Variants in ANXA4 observed in about 807,000 individuals in gnomAD.
The protein encoded by ANXA4 is annexin A4.
ANXA4 carries 39 observed loss-of-function variants against 49.8 expected under a neutral mutation model. The observed-to-expected ratio is 0.78, with a 90% CI of 0.61 to 1.02. The LOEUF (loss-of-function observed/expected upper bound fraction) is 1.02, where lower values mean the gene tolerates loss of function less well. Ranked by LOEUF, ANXA4 falls within the 50% of genes least tolerant of loss-of-function variation. The pLI, the probability that ANXA4 is intolerant of heterozygous loss-of-function variation, is 0.00. For missense variants in ANXA4, 360 were observed against 410.1 expected (o/e 0.88, Z 1.05); for synonymous variants, 134 against 152.5 (o/e 0.88, Z 0.89).
intron 2 of ANXA4, among the ~76,000 whole-genome samples, chr2:69,714,358 C>T (rs1185680134): frequency 6.6e-6 from 1 of 152,134 alleles, no homozygotes; most frequent in Non-Finnish European, 1.5e-5. Context: ...CCAAATGCAT[C>T]CATGCAGGAT....
Position 69,700,471 on chromosome 2 carries a change from C to CG in ANXA4, n.767-20302dup, listed in dbSNP as rs1428839222. On this transcript the variant is annotated intron_variant and non_coding_transcript_variant, in intron 2 of 3. Coordinates refer to the ANXA4 transcript ENST00000418066. Reference sequence around the variant, plus strand: ...AAGTCTTACTATCACTGCCACCATCCGTACTCTTCTCACTATTAACAATGT... The same window carrying CG: ...AAGTCTTACTATCACTGCCACCATCCGGTACTCTTCTCACTATTAACAATGT... 5 of 152,252 alleles carry CG rather than the reference C, an allele frequency of 3.3e-5. No individual in the cohort carries two copies. In the East Asian group the frequency reaches 9.6e-4, roughly 29 times the overall value. 9.4% of individuals were successfully genotyped at this position (152,252 alleles called of 1,614,324 possible).
At chr2:69,681,743 C>T (rs1300345452) in intron 2 of ANXA4, among the ~76,000 whole-genome samples, 1 of 152,022 alleles carries the variant, frequency 6.6e-6, no homozygotes, top group African/African-American at 2.4e-5. Flanking sequence ...TTTCATTGAT[C>T]CTTTGTATTG....
At position 69,818,635 on chromosome 2, in the gene ANXA4, T is replaced by C. The variant is rs144905340; in HGVS notation, c.665T>C (p.Ile222Thr). 3 of 1,611,752 alleles carry C rather than the reference T, an allele frequency of 1.9e-6. No homozygotes were observed. The highest frequency in any genetic ancestry group is 2.7e-5 in the African/African-American group (2 of 74,982). The change falls in exon 10 of 13, where the codon ATT becomes ACT. Residue 222 changes from isoleucine to threonine, a missense_variant. Coordinates refer to ENST00000394295, the MANE Select transcript of ANXA4 (RefSeq NM_001153.5). ...DEYKRISQKD[I>T]EQSIKSETSG... ...TACAAAAGGATATCACAGAAGGATA[T>C]TGAACAGAGTATTAAATCTGAAACA...
intron 8 of ANXA4, among the ~76,000 whole-genome samples, chr2:69,814,342 CT>C (rs781253870): frequency 0.011 from 1,089 of 97,254 alleles, 10 homozygotes; most frequent in Middle Eastern, 0.026. Context: ...GTATTTTATT[CT>C]TTTTTTTTTT....
At chr2:69,799,740 T>C (rs1673107395) in intron 3 of ANXA4, among the ~76,000 whole-genome samples, 1 of 152,204 alleles carries the variant, frequency 6.6e-6, no homozygotes, top group Admixed American at 6.5e-5. Flanking sequence ...CAAGACCTTG[T>C]CTCAGTAGAC....
At chr2:69,683,273 C>T (rs1328546691) in intron 2 of ANXA4, among the ~76,000 whole-genome samples, 1 of 152,168 alleles carries the variant, frequency 6.6e-6, no homozygotes, top group Non-Finnish European at 1.5e-5. Flanking sequence ...TCTGCAGACC[C>T]TCCTACTGCA....
chr2:69,729,306 T>C (rs565029415), intron 3 of ANXA4, among the ~76,000 whole-genome samples: 1 of 152,370 alleles, frequency 6.6e-6, no homozygotes, highest in African/African-American at 2.4e-5. Context: ...TGAGCCACCA[T>C]GCACGGCCCT....
At chr2:69,725,345 A>G (rs1669935709) in intron 3 of ANXA4, among the ~76,000 whole-genome samples, 1 of 149,278 alleles carries the variant, frequency 6.7e-6, no homozygotes, top group Admixed American at 6.7e-5. Context: ...TAAATATACC[A>G]TATACTTAAA....
intron 2 of ANXA4, among the ~76,000 whole-genome samples, chr2:69,698,435 C>T (rs1193816534): frequency 6.6e-6 from 1 of 152,126 alleles, no homozygotes; most frequent in African/African-American, 2.4e-5. Flanking sequence ...TGGCCTCTTC[C>T]CCCGACATCT....
At chr2:69,645,501 T>C (rs1405051425) in intron 1 of ANXA4, among the ~76,000 whole-genome samples, 2 of 152,252 alleles carry the variant, frequency 1.3e-5, no homozygotes, top group African/African-American at 2.4e-5. Context: ...TCAGCACTTA[T>C]TTGTCTTGAC....
At chr2:69,749,046 G>A (rs1670737746) in intron 1 of ANXA4, among the ~76,000 whole-genome samples, 1 of 152,138 alleles carries the variant, frequency 6.6e-6, no homozygotes, top group Non-Finnish European at 1.5e-5. Context: ...GAGAGTTGAG[G>A]AAGTGTGGAT....
At chr2:69,657,212 C>G (rs1244437777) in intron 2 of ANXA4, among the ~76,000 whole-genome samples, 1 of 151,970 alleles carries the variant, frequency 6.6e-6, no homozygotes, top group Non-Finnish European at 1.5e-5. Context: ...CCAGGCTGGT[C>G]TCAAACTCCT....
At chr2:69,651,967 C>G (rs939841523) in intron 1 of ANXA4, among the ~76,000 whole-genome samples, 5 of 151,742 alleles carry the variant, frequency 3.3e-5, no homozygotes, top group African/African-American at 9.7e-5. Context: ...CGTAAACCCC[C>G]ATATTCTCGG....
At chr2:69,824,314 C>A (rs914106699) in intron 12 of ANXA4, among the ~76,000 whole-genome samples, 1 of 151,852 alleles carries the variant, frequency 6.6e-6, no homozygotes, top group Non-Finnish European at 1.5e-5. Context: ...ACCAGCCTGG[C>A]CAACATGGTG....
chr2:69,714,738 G>T (rs1346731831), intron 2 of ANXA4, among the ~76,000 whole-genome samples: 1 of 152,222 alleles, frequency 6.6e-6, no homozygotes, highest in Non-Finnish European at 1.5e-5. Flanking sequence ...AGACACCCAG[G>T]TCCGGAGGTG....
chr2:69,770,758 C>A (rs764814378), intron 1 of ANXA4, among the ~76,000 whole-genome samples: 24 of 152,168 alleles, frequency 1.6e-4, no homozygotes, highest in Non-Finnish European at 3.4e-4. Flanking sequence ...CAGACACACA[C>A]ACGTGCAGAC....
At chr2:69,767,950 T>G (rs1671560562) in intron 1 of ANXA4, among the ~76,000 whole-genome samples, 1 of 152,122 alleles carries the variant, frequency 6.6e-6, no homozygotes, top group African/African-American at 2.4e-5. Flanking sequence ...GTATATATTA[T>G]GCATATTATG....
At chr2:69,740,316 G>A (rs1339237411), upstream of ANXA4, among the ~76,000 whole-genome samples, 1 of 152,096 alleles carries the variant, frequency 6.6e-6, no homozygotes, top group African/African-American at 2.4e-5. Flanking sequence ...TGGGATTACA[G>A]TCTGAGCCAC....
chr2:69,824,567 A>C (rs2103912884), intron 12 of ANXA4, among the ~76,000 whole-genome samples: 1 of 152,304 alleles, frequency 6.6e-6, no homozygotes, highest in African/African-American at 2.4e-5. Context: ...TTTTATGAAA[A>C]TTTATCCAGA....
Sources: allele counts gnomAD v4.1 joint callset (sites outside exome capture counted in the v4.1 genomes callset), GRCh38; gene constraint gnomAD v4.1.1; transcripts MANE v1.5; gene names NCBI Gene and HGNC (gene_info 2026-07-23, HGNC 2026-07-21).